HERC5: variants seen among roughly 807,000 people sequenced by gnomAD.
HERC5 encodes HECT and RLD domain containing E3 ubiquitin protein ligase 5, also known as E3 ISG15--protein ligase HERC5.
Under a neutral mutation model 119.6 loss-of-function variants are expected in HERC5, and 99 were observed. The ratio of observed to expected loss-of-function variants is 0.83; its 90% CI spans 0.70 to 0.98. The LOEUF is 0.98. Among genes scored for constraint, HERC5 ranks in the 50% least tolerant of loss-of-function variants. HERC5 has a pLI of 0.00. For missense variants in HERC5, 1,267 were observed against 1,241.3 expected (o/e 1.02, Z -0.31); for synonymous variants, 478 against 445.9 (o/e 1.07, Z -0.91).
At chr4:88,494,082 GA>G in intron 17 of HERC5, 82 bp from the exon 18 acceptor site, 1 of 837,200 alleles carries the variant, frequency 1.2e-6, no homozygotes, top group South Asian at 2.5e-5. Flanking sequence ...TTATGAAAGA[GA>G]AACAAAGATT....
At chr4:88,478,394 A>G (rs1741156965) in intron 12 of HERC5, among the ~76,000 whole-genome samples, 3 of 152,102 alleles carry the variant, frequency 2.0e-5, no homozygotes, top group South Asian at 2.1e-4. Flanking sequence ...GTGAAGGTCA[A>G]ATATGCAGAG....
intron 9 of HERC5, among the ~76,000 whole-genome samples, chr4:88,469,489 G>A (rs546274830): frequency 6.6e-6 from 1 of 152,292 alleles, no homozygotes; most frequent in African/African-American, 2.4e-5. Flanking sequence ...TGGCTTATGA[G>A]ATTGTAGGGG....
intron 16 of HERC5, among the ~76,000 whole-genome samples, chr4:88,490,275 T>A (rs1741593258): frequency 6.6e-6 from 1 of 152,154 alleles, no homozygotes; most frequent in East Asian, 1.9e-4. Context: ...TTCAACAACA[T>A]TATGTGGCAG....
intron 7 of HERC5, 72 bp downstream of exon 7, chr4:88,467,276 G>A: frequency 6.7e-7 from 1 of 1,489,552 alleles, no homozygotes; most frequent in Admixed American, 1.9e-5. Context: ...ACTAGGTAAT[G>A]TGGCAAAGAA....
Position 88,467,054 on chromosome 4 carries a change from A to T in HERC5, c.912-5A>T. 1 of 1,613,752 alleles carries T rather than the reference A, an allele frequency of 6.2e-7. No homozygotes were observed. The highest frequency in any genetic ancestry group is 8.5e-7 in the Non-Finnish European group (1 of 1,179,756). Reference sequence around the variant, plus strand: ...GAATTGACCATATGTGCTTTTATTTAATAGGTGGCACACACTTGCCTATGT... The same window carrying T: ...GAATTGACCATATGTGCTTTTATTTTATAGGTGGCACACACTTGCCTATGT... On this transcript the variant is annotated splice_region_variant and splice_polypyrimidine_tract_variant and intron_variant, in intron 6 of 22. Coordinates refer to ENST00000264350, the MANE Select transcript of HERC5 (RefSeq NM_016323.4).
At chr4:88,489,361 T>G in intron 16 of HERC5, 25 bp downstream of exon 16, 1 of 1,561,208 alleles carries the variant, frequency 6.4e-7, no homozygotes, top group African/African-American at 1.4e-5. Flanking sequence ...TCACTTAATG[T>G]TTTTGCTGCT....
At position 88,462,063 on chromosome 4, in the gene HERC5, G is replaced by A. The variant is rs1385286271; in HGVS notation, c.467-72G>A. 25 of 1,223,454 alleles carry A rather than the reference G, an allele frequency of 2.0e-5. No homozygotes were observed. The Admixed American group carries it at 4.7e-4, about 23-fold the overall frequency. The allele number at this position is 1,223,454 out of a possible 1,614,324, so 75.8% of individuals were successfully genotyped here. ...TGTGATATTATACTAGGTAGAGCAT[G>A]CATAATGCTTTAGGGTAATGTCTGC... On this transcript the variant is annotated intron_variant, in intron 3 of 22. Coordinates refer to ENST00000264350, the MANE Select transcript of HERC5 (RefSeq NM_016323.4).
intron 16 of HERC5, among the ~76,000 whole-genome samples, chr4:88,491,101 G>A (rs978813518): frequency 6.6e-6 from 1 of 152,106 alleles, no homozygotes; most frequent in Non-Finnish European, 1.5e-5. Context: ...TAATCTTGTG[G>A]GAAAACTGAG....
intron 15 of HERC5, among the ~76,000 whole-genome samples, chr4:88,487,881 A>G (rs1229043757): frequency 6.6e-6 from 1 of 152,216 alleles, no homozygotes; most frequent in African/African-American, 2.4e-5. Context: ...TAGGTAAAGC[A>G]TTTAAAACTG....
chr4:88,460,137 A>G lies in HERC5; in HGVS notation c.432A>G (p.Thr144=), dbSNP rs1267365468. ...AAGAAAAAAAAATAATTCAGATCAC[A>G]TGTGGAGATTACCATTCTCTTGCAC... is the stretch of plus-strand genomic sequence containing the variant. The part of the protein sequence containing the change: ...ILQEKKIIQI[T]CGDYHSLALS... The change falls in exon 3 of 23, where the codon ACA becomes ACG. Residue 144 remains threonine, a synonymous_variant. Transcript: ENST00000264350. 3 of 1,589,568 alleles carry G rather than the reference A, an allele frequency of 1.9e-6. No individual in the cohort carries two copies. Among genetic ancestry groups the G allele is most frequent in the Non-Finnish European group, 2.6e-6 (3 of 1,160,204 alleles).
intron 12 of HERC5, 58 bp from the exon 13 acceptor site, chr4:88,479,295 A>AG: frequency 1.4e-6 from 2 of 1,441,190 alleles, no homozygotes; most frequent in East Asian, 4.7e-5. Flanking sequence ...AAAAAAAAAA[A>AG]AAAAAAAGCA....
intron 18 of HERC5, among the ~76,000 whole-genome samples, chr4:88,498,333 C>T (rs1741856875): frequency 6.6e-6 from 1 of 152,160 alleles, no homozygotes; most frequent in South Asian, 2.1e-4. Context: ...TAGGGGTGGG[C>T]TTTGCCCAGC....
intron 6 of HERC5, among the ~76,000 whole-genome samples, chr4:88,464,642 G>A (rs983910002): frequency 1.5e-4 from 23 of 151,772 alleles, no homozygotes; most frequent in Non-Finnish European, 3.1e-4. Flanking sequence ...AGGCTGGAGT[G>A]CAGTGACGCA....
At chr4:88,459,783 A>G (rs552708770) in intron 2 of HERC5, among the ~76,000 whole-genome samples, 3 of 152,214 alleles carry the variant, frequency 2.0e-5, no homozygotes. Flanking sequence ...TAGAAAAAAT[A>G]CACATTATCA....
At chr4:88,500,789 C>T in intron 19 of HERC5, 126 bp from the exon 20 acceptor site, 2 of 726,828 alleles carry the variant, frequency 2.8e-6, no homozygotes, top group Middle Eastern at 5.6e-4. Flanking sequence ...TCCTTGCTAG[C>T]TTTTATGACA....
At chr4:88,491,192 GTATTTCAC>G (rs1046721564) in intron 16 of HERC5, among the ~76,000 whole-genome samples, 2 of 152,110 alleles carry the variant, frequency 1.3e-5, no homozygotes, top group Non-Finnish European at 2.9e-5. Flanking sequence ...AAGATTTTTA[GTATTTCAC>G]TATTTCACCA....
chr4:88,505,713 A>G lies in HERC5; in HGVS notation c.2910A>G (p.Leu970=), dbSNP rs1742085068. The part of the protein sequence containing the change: ...TGTDRLQMKD[L]NNMKITFCCP... ...CTGACAGACTACAAATGAAAGATTT[A>G]AATAATATGAAAATAACATTTTGCT... The change falls in exon 23 of 23, where the codon TTA becomes TTG. Residue 970 remains leucine (L), a synonymous_variant. Transcript: ENST00000264350. 3.8e-6 allele frequency: 6 copies of G among 1,591,018 alleles called. No homozygotes were observed. The highest frequency in any genetic ancestry group is 2.2e-5 in the East Asian group (1 of 44,766).
At chr4:88,479,648 ACAT>A (rs78308763) in intron 13 of HERC5, 141 bp downstream of exon 13, 80,373 of 499,642 alleles carry the variant, frequency 0.16, 9,126 homozygotes, top group East Asian at 0.49. Flanking sequence ...TTTTAAAATT[ACAT>A]CATACATATA....
At chr4:88,500,048 A>T (rs994904951) in intron 19 of HERC5, 56 bp downstream of exon 19, 1 of 1,036,984 alleles carries the variant, frequency 9.6e-7, no homozygotes, top group African/African-American at 1.6e-5. Flanking sequence ...AACCCTTTAC[A>T]TATTTAACTA....
Sources: allele counts gnomAD v4.1 joint callset (sites outside exome capture counted in the v4.1 genomes callset), GRCh38; gene constraint gnomAD v4.1.1; transcripts MANE v1.5; gene names NCBI Gene and HGNC (gene_info 2026-07-23, HGNC 2026-07-21).